UPRT: variants seen among roughly 807,000 people sequenced by gnomAD.
UPRT encodes RP11-311P8.3.
A neutral mutation model predicts 22.6 loss-of-function variants in UPRT; 5 were observed. The ratio of observed to expected loss-of-function variants is 0.22; its 90% CI spans 0.12 to 0.47. The LOEUF is 0.47. Among genes scored for constraint, UPRT ranks in the 20% least tolerant of loss-of-function variants. UPRT has a pLI of 0.99. For synonymous variants in UPRT, 77 were observed against 87.7 expected (o/e 0.88, Z 0.68); for missense variants, 181 against 239.9 (o/e 0.75, Z 1.62).
chrX:75,293,561 A>G (rs1179453578), intron 2 of UPRT, 47 bp downstream of exon 2: 1 of 1,155,204 alleles, frequency 8.7e-7, no homozygotes, highest in Admixed American at 2.5e-5. Context: ...GCCTAGTGAT[A>G]TAACCATGGT....
intron 4 of UPRT, among the ~76,000 whole-genome samples, chrX:75,265,811 A>G (rs1446300252): frequency 9.0e-6 from 1 of 110,907 alleles, no homozygotes; most frequent in Admixed American, 9.7e-5. Context: ...TTGTGGTTTT[A>G]TCTACCTTTG....
At chrX:75,232,546 T>A (rs1378639842) in intron 4 of UPRT, among the ~76,000 whole-genome samples, 3 of 112,305 alleles carry the variant, frequency 2.7e-5, no homozygotes, top group East Asian at 5.6e-4. Context: ...GTCTGACAGC[T>A]TTGAAGAGAG....
At chrX:75,234,040 C>G (rs1270590597) in intron 4 of UPRT, among the ~76,000 whole-genome samples, 1 of 110,732 alleles carries the variant, frequency 9.0e-6, no homozygotes, top group African/African-American at 3.3e-5. Context: ...TCAGGAAACC[C>G]ATCTCACGTG....
Position 75,235,619 on chromosome X carries a change from T to C in UPRT, c.-446-55405T>C, listed in dbSNP as rs1243101358. ...CCACCATGATCAAGTGGGCTTCATCTCTGGGATGCAAGGCTGGTTCAATAT... is the reference window on the plus strand; with the variant it reads ...CCACCATGATCAAGTGGGCTTCATCCCTGGGATGCAAGGCTGGTTCAATAT... On this transcript the variant is annotated intron_variant, in intron 4 of 13. Transcript: ENST00000652605. Among the ~76,000 whole-genome samples, 29 of 111,719 alleles carry C rather than the reference T, an allele frequency of 2.6e-4. 1 individual carries two copies. The East Asian group carries it at 2.8e-3, about 11-fold the overall frequency.
intron 4 of UPRT, among the ~76,000 whole-genome samples, chrX:75,177,299 G>GTGCT (rs1569258975): frequency 1.4e-4 from 14 of 100,698 alleles, no homozygotes; most frequent in Non-Finnish European, 2.9e-4. Context: ...CGGAATAGTT[G>GTGCT]CACTTACCGA....
At chrX:75,281,290 T>A (rs2082655589) in intron 1 of UPRT, among the ~76,000 whole-genome samples, 1 of 111,671 alleles carries the variant, frequency 9.0e-6, no homozygotes, top group South Asian at 3.8e-4. Flanking sequence ...GGCTAGGACC[T>A]CCAGTACTAT....
intron 4 of UPRT, among the ~76,000 whole-genome samples, chrX:75,205,383 CAAAAAAAAAAAAAAAAA>C (rs55819232): frequency 7.9e-5 from 3 of 38,147 alleles, no homozygotes; most frequent in African/African-American, 3.8e-4. Flanking sequence ...GACTCCGTCT[CAAAAAAAAAAAAAAAAA>C]AAAAAAAAAA....
Position 75,274,199 on chromosome X carries a change from C to A in UPRT, c.-56C>A. On this transcript the variant is annotated 5_prime_UTR_variant, in exon 1 of 7. Transcript: ENST00000373383. ...CACGTGAGCATCTGTCCTTTCTACC[C>A]GTTCCTCTTTATCTTTAGTGTTCAG... 1 of 1,155,765 alleles carries A rather than the reference C, an allele frequency of 8.7e-7. No homozygotes were observed. The highest frequency in any genetic ancestry group is 2.6e-5 in the Admixed American group (1 of 38,857).
At chrX:75,256,319 A>G (rs2082549455) in intron 4 of UPRT, among the ~76,000 whole-genome samples, 1 of 112,019 alleles carries the variant, frequency 8.9e-6, no homozygotes, top group African/African-American at 3.2e-5. Flanking sequence ...AAACTGAATG[A>G]CAATAGTGAC....
intron 1 of UPRT, among the ~76,000 whole-genome samples, chrX:75,156,922 CACACAG>C (rs1433971289): frequency 3.1e-4 from 34 of 109,096 alleles, no homozygotes; most frequent in Admixed American, 9.9e-4. Flanking sequence ...CACACACACA[CACACAG>C]AGAGACTACA....
chrX:75,209,929 T>C, intron 4 of UPRT, among the ~76,000 whole-genome samples: 1 of 112,495 alleles, frequency 8.9e-6, no homozygotes, highest in East Asian at 2.8e-4. Flanking sequence ...AAGGCCACTT[T>C]GATTAAGTCT....
At chrX:75,159,770 A>ATTTTTTTTTTTTTTTTTTTTTTTT (rs35651743) in intron 1 of UPRT, among the ~76,000 whole-genome samples, 1 of 46,323 alleles carries the variant, frequency 2.2e-5, no homozygotes, top group Non-Finnish European at 4.7e-5. Flanking sequence ...CTTGCCTTAA[A>ATTTTTTTTTTTTTTTTTTTTTTTT]TTTTTTTTTT....
intron 4 of UPRT, among the ~76,000 whole-genome samples, chrX:75,170,327 A>G (rs2082223596): frequency 9.0e-6 from 1 of 111,472 alleles, no homozygotes; most frequent in African/African-American, 3.3e-5. Flanking sequence ...GTGAGCCACC[A>G]CGCCTGGCCT....
At chrX:75,295,580 T>TA (rs1409592809) in intron 2 of UPRT, among the ~76,000 whole-genome samples, 1 of 112,142 alleles carries the variant, frequency 8.9e-6, no homozygotes, top group East Asian at 2.8e-4. Context: ...TAACAGAGCA[T>TA]AGGGCCTGGT....
At chrX:75,293,715 C>G (rs149740702) in intron 2 of UPRT, among the ~76,000 whole-genome samples, 24 of 111,162 alleles carry the variant, frequency 2.2e-4, no homozygotes, top group African/African-American at 7.8e-4. Flanking sequence ...AAAGCATTGC[C>G]CATGAACTAA....
rs1339096824 is a variant in UPRT at position 75,180,713 on chromosome X, T to G, written c.-447+12834T>G. Among the ~76,000 whole-genome samples the G allele has an allele frequency of 1.1e-4, 11 of 97,258 alleles. No homozygotes were observed. The East Asian group carries it at 1.6e-3, about 14-fold the overall frequency. 84.5% of individuals were successfully genotyped at this position (97,258 alleles called of 115,157 possible). On this transcript the variant is annotated intron_variant, in intron 4 of 13. Coordinates refer to the UPRT transcript ENST00000652605. ...TTTTTTTGTTTTTTTTTTTTTTTTT[T>G]TTTTTTTGCTTGTTAATTTGTTTAC...
chrX:75,223,901 C>T (rs957533507), intron 4 of UPRT, among the ~76,000 whole-genome samples: 2 of 111,607 alleles, frequency 1.8e-5, no homozygotes, highest in African/African-American at 3.3e-5. Flanking sequence ...TCAGTGGAGG[C>T]TTCTATTCAG....
At chrX:75,245,412 A>G (rs1421831847) in intron 4 of UPRT, among the ~76,000 whole-genome samples, 2 of 111,831 alleles carry the variant, frequency 1.8e-5, no homozygotes, top group Non-Finnish European at 3.8e-5. Context: ...AAGAACAATT[A>G]CCATTTGACC....
chrX:75,205,631 AGTTAAGATAACCTG>A (rs1347164010), intron 4 of UPRT, among the ~76,000 whole-genome samples: 2 of 111,317 alleles, frequency 1.8e-5, no homozygotes, highest in Non-Finnish European at 3.8e-5. Context: ...CTGTGGGAGT[AGTTAAGATAACCTG>A]GTTAGGACCC....
Sources: allele counts gnomAD v4.1 joint callset (sites outside exome capture counted in the v4.1 genomes callset), GRCh38; gene constraint gnomAD v4.1.1; transcripts MANE v1.5; gene names NCBI Gene and HGNC (gene_info 2026-07-23, HGNC 2026-07-21).